FSIP1: variants seen among roughly 807,000 people sequenced by gnomAD.
The protein encoded by FSIP1 is fibrous sheath interacting protein 1, also known as fibrous sheath-interacting protein 1.
FSIP1 carries 65 observed loss-of-function variants against 60.9 expected under a neutral mutation model. The ratio of observed to expected loss-of-function variants is 1.07; its 90% CI spans 0.87 to 1.31. The LOEUF is 1.31. Ranked by LOEUF, FSIP1 falls within the 40% of genes most tolerant of loss-of-function variation. FSIP1 has a pLI of 0.00. For missense variants in FSIP1, 675 were observed against 665.5 expected (o/e 1.01, Z -0.16); for synonymous variants, 209 against 221.2 (o/e 0.94, Z 0.49).
Position 39,640,184 on chromosome 15 carries a change from G to A in FSIP1, c.1189-21939C>T, listed in dbSNP as rs140376880. Among the ~76,000 whole-genome samples, 332 of 152,304 alleles carry A rather than the reference G, an allele frequency of 2.2e-3. 4 individuals carry two copies. The highest frequency in any genetic ancestry group is 0.018 in the Admixed American group (280 of 15,304). Reference sequence around the variant, plus strand: ...GAGAGGCTGAAAGGTGAGAAAAGAGGAGAGATGAAAGCATAAAATAGACAG... The same window carrying A: ...GAGAGGCTGAAAGGTGAGAAAAGAGAAGAGATGAAAGCATAAAATAGACAG... On this transcript the variant is annotated intron_variant, in intron 10 of 11. Coordinates refer to ENST00000350221, the MANE Select transcript of FSIP1 (RefSeq NM_152597.5).
At chr15:39,707,825 G>A (rs1166856572) in intron 10 of FSIP1, among the ~76,000 whole-genome samples, 1 of 152,114 alleles carries the variant, frequency 6.6e-6, no homozygotes, top group Non-Finnish European at 1.5e-5. Flanking sequence ...ACCCCAAGCA[G>A]TCTGGCCCTT....
intron 10 of FSIP1, among the ~76,000 whole-genome samples, chr15:39,696,392 T>C (rs557401745): frequency 2.0e-5 from 3 of 152,128 alleles, no homozygotes; most frequent in Non-Finnish European, 4.4e-5. Context: ...TGAAAACATG[T>C]CCAAATTTAC....
chr15:39,769,824 C>T (rs1473184871), intron 3 of FSIP1, among the ~76,000 whole-genome samples: 1 of 152,098 alleles, frequency 6.6e-6, no homozygotes, highest in Non-Finnish European at 1.5e-5. Context: ...CAATTTTGCC[C>T]ACCATTCCTT....
At chr15:39,716,242 G>A (rs139278828) in intron 9 of FSIP1, among the ~76,000 whole-genome samples, 180 of 152,252 alleles carry the variant, frequency 1.2e-3, no homozygotes, top group Non-Finnish European at 1.6e-3. Context: ...ATGGTAATCT[G>A]CAAAACACCC....
At chr15:39,780,464 G>A (rs1031966698) in intron 1 of FSIP1, among the ~76,000 whole-genome samples, 9 of 152,210 alleles carry the variant, frequency 5.9e-5, no homozygotes, top group South Asian at 4.1e-4. Flanking sequence ...GGCGGAGCTT[G>A]CAGTGAGCCG....
intron 3 of FSIP1, among the ~76,000 whole-genome samples, chr15:39,769,096 G>A (rs1322517918): frequency 9.2e-5 from 14 of 151,928 alleles, no homozygotes; most frequent in Admixed American, 7.9e-4. Flanking sequence ...TGGCTAACAC[G>A]GTGAAACCCC....
At chr15:39,676,091 T>C (rs1034104128) in intron 10 of FSIP1, among the ~76,000 whole-genome samples, 2 of 146,944 alleles carry the variant, frequency 1.4e-5, no homozygotes, top group African/African-American at 5.0e-5. Flanking sequence ...AAGAATGGCG[T>C]GAACCCGGAA....
chr15:39,770,541 T>C lies in FSIP1; in HGVS notation c.196A>G (p.Arg66Gly), dbSNP rs767637352. The part of the protein sequence containing the change: ...HSESSNTENR[R>G]TSNDDKQESC... ...TCCTGCTTATCATCATTACTAGTTCTTCTGTTCTCTGTATTACTGCTTTCG... is the reference window on the plus strand; with the variant it reads ...TCCTGCTTATCATCATTACTAGTTCCTCTGTTCTCTGTATTACTGCTTTCG... Residue 66 changes from arginine to glycine, a missense_variant, in exon 3 of 12, where the codon AGA becomes GGA. Physicochemically the swap from Arg to Gly is moderately radical, Grantham distance 125. Transcript: ENST00000350221. 5.6e-5 allele frequency: 91 copies of C among 1,611,076 alleles called. No individual in the cohort carries two copies. In the Middle Eastern group the frequency reaches 1.2e-3, roughly 20 times the overall value.
rs79659312 is a variant in FSIP1, at chr15:39,699,493, A to ATG, written c.1188+13949_1188+13950dup. 1.4e-4 allele frequency among the ~76,000 whole-genome samples: 22 copies of ATG among 152,334 alleles called. No individual in the cohort carries two copies. In the East Asian group the frequency reaches 4.2e-3, roughly 29 times the overall value. ...AATAGTTCTTACAACAACTTTCAGC[A>ATG]TGTATCTTTGTTGATAGTAAAAGTA... is the stretch of plus-strand genomic sequence containing the variant. On this transcript the variant is annotated intron_variant, in intron 10 of 11. Transcript: ENST00000350221.
At chr15:39,740,924 T>G (rs1200760755) in intron 6 of FSIP1, among the ~76,000 whole-genome samples, 1 of 152,198 alleles carries the variant, frequency 6.6e-6, no homozygotes, top group African/African-American at 2.4e-5. Context: ...TATAAGCTTA[T>G]AGCTTATATA....
At chr15:39,769,418 C>T (rs1292015845) in intron 3 of FSIP1, among the ~76,000 whole-genome samples, 1 of 152,134 alleles carries the variant, frequency 6.6e-6, no homozygotes, top group Non-Finnish European at 1.5e-5. Context: ...TAGTTATCCT[C>T]GAAGTAACAT....
chr15:39,732,619 C>CA (rs56106819), intron 8 of FSIP1, among the ~76,000 whole-genome samples: 20,090 of 79,458 alleles, frequency 0.25, 2,301 homozygotes, highest in Admixed American at 0.32. Context: ...AACTCCATCT[C>CA]AAAAAAAAAA....
At chr15:39,690,463 T>C (rs1267026145) in intron 10 of FSIP1, among the ~76,000 whole-genome samples, 2 of 152,222 alleles carry the variant, frequency 1.3e-5, no homozygotes, top group Admixed American at 6.5e-5. Flanking sequence ...TCTCTTCTTT[T>C]CCCAGTTCAT....
intron 10 of FSIP1, among the ~76,000 whole-genome samples, chr15:39,659,234 C>A (rs1182781772): frequency 6.6e-6 from 1 of 151,952 alleles, no homozygotes; most frequent in Non-Finnish European, 1.5e-5. Context: ...AAGGATGTAC[C>A]CTCTGTGAGT....
At chr15:39,729,846 A>G (rs376108077) in intron 8 of FSIP1, among the ~76,000 whole-genome samples, 6 of 152,144 alleles carry the variant, frequency 3.9e-5, no homozygotes, top group South Asian at 2.1e-4. Context: ...TTGAGTACAC[A>G]TGGACACAAG....
intron 5 of FSIP1, among the ~76,000 whole-genome samples, chr15:39,761,010 T>C (rs1401609701): frequency 6.6e-6 from 1 of 152,112 alleles, no homozygotes; most frequent in African/African-American, 2.4e-5. Flanking sequence ...AAATACAAAT[T>C]AACCACAATG....
chr15:39,666,345 A>G (rs151231515), intron 10 of FSIP1, among the ~76,000 whole-genome samples: 2 of 152,322 alleles, frequency 1.3e-5, no homozygotes, highest in African/African-American at 4.8e-5. Flanking sequence ...AAAGATAAGA[A>G]AAGGTTCCAA....
chr15:39,598,620 C>T (rs1252617087), downstream of FSIP1: 1 of 152,172 alleles, frequency 6.6e-6, no homozygotes, highest in Non-Finnish European at 1.5e-5. Context: ...AGGCATGTTC[C>T]AGTTTCACCC....
intron 5 of FSIP1, among the ~76,000 whole-genome samples, chr15:39,742,686 T>C (rs1595684782): frequency 6.6e-6 from 1 of 152,158 alleles, no homozygotes; most frequent in Non-Finnish European, 1.5e-5. Flanking sequence ...AGACACCCTC[T>C]ATGAGCTGAT....
Sources: gnomAD v4.1 joint callset for allele counts (sites outside exome capture counted in the v4.1 genomes callset) on GRCh38, gnomAD v4.1.1 for gene constraint, MANE v1.5 for transcripts, NCBI Gene and HGNC (gene_info 2026-07-23, HGNC 2026-07-21) for gene names.